The following SPARCL1 variants were observed in gnomAD, a reference collection of about 807,000 sequenced individuals.
SPARCL1 encodes the protein SPARC-like protein 1.
A neutral mutation model predicts 67.1 loss-of-function variants in SPARCL1; 52 were observed. The observed-to-expected ratio is 0.78, with a 90% CI of 0.62 to 0.98. SPARCL1 has a LOEUF of 0.98. Ranked by LOEUF, SPARCL1 falls within the 50% of genes least tolerant of loss-of-function variation. The pLI is 0.00. For missense variants in SPARCL1, 717 were observed against 782.4 expected (o/e 0.92, Z 1.00); for synonymous variants, 226 against 267.8 (o/e 0.84, Z 1.52).
At chr4:87,508,602 G>T (rs1725208735) in intron 1 of SPARCL1, among the ~76,000 whole-genome samples, 1 of 151,908 alleles carries the variant, frequency 6.6e-6, no homozygotes. Context: ...GGTAGGTAAA[G>T]GCAGAGGAAG....
At chr4:87,518,579 G>A (rs1725677393) in intron 1 of SPARCL1, among the ~76,000 whole-genome samples, 1 of 152,174 alleles carries the variant, frequency 6.6e-6, no homozygotes, top group African/African-American at 2.4e-5. Flanking sequence ...TATCCAAAAA[G>A]CTAATGAGTA....
rs1443552016 is a variant in SPARCL1, at chr4:87,506,816, TCTATCTATCTAC to T, written c.-11-7243_-11-7232del. Among the ~76,000 whole-genome samples the T allele has an allele frequency of 8.5e-4, 122 of 143,538 alleles. No homozygotes were observed. In the East Asian group the frequency reaches 9.1e-3, roughly 11 times the overall value. 94.2% of individuals were successfully genotyped at this position (143,538 alleles called of 152,430 possible). On this transcript the variant is annotated intron_variant, in intron 1 of 10. Coordinates refer to ENST00000282470, the MANE Select transcript of SPARCL1 (RefSeq NM_004684.6). ...ATCTATCTATCTATCTATCTATCTA[TCTATCTATCTAC>T]CTACCTACCTACCTACCTATCTCCT...
At chr4:87,512,935 G>A (rs1725431188) in intron 1 of SPARCL1, among the ~76,000 whole-genome samples, 1 of 152,184 alleles carries the variant, frequency 6.6e-6, no homozygotes, top group African/African-American at 2.4e-5. Context: ...GGGGGCTTCA[G>A]CTCATTGTCT....
intron 1 of SPARCL1, among the ~76,000 whole-genome samples, chr4:87,505,724 G>GGT (rs55992030): frequency 0.26 from 36,290 of 140,938 alleles, 5,071 homozygotes; most frequent in South Asian, 0.44. Flanking sequence ...TCAGCTAATT[G>GGT]TTTTTTTTTT....
intron 1 of SPARCL1, among the ~76,000 whole-genome samples, chr4:87,502,941 A>T (rs1724910624): frequency 6.6e-6 from 1 of 152,204 alleles, no homozygotes; most frequent in Admixed American, 6.5e-5. Context: ...TAGAGGAGAA[A>T]TTCATACCTC....
intron 1 of SPARCL1, among the ~76,000 whole-genome samples, chr4:87,523,512 G>C (rs200495841): frequency 6.6e-6 from 1 of 152,180 alleles, no homozygotes; most frequent in East Asian, 1.9e-4. Context: ...TGGAGAACAT[G>C]ACCACGAGTG....
chr4:87,520,183 T>A (rs1171103391), intron 1 of SPARCL1, among the ~76,000 whole-genome samples: 1 of 140,996 alleles, frequency 7.1e-6, no homozygotes, highest in East Asian at 2.1e-4. Flanking sequence ...GAGGTTGCAG[T>A]GAGCCGAGAT....
At chr4:87,485,331 T>G (rs1412265604) in intron 7 of SPARCL1, among the ~76,000 whole-genome samples, 2 of 152,126 alleles carry the variant, frequency 1.3e-5, no homozygotes, top group African/African-American at 2.4e-5. Flanking sequence ...AATCATGTGG[T>G]TTTTGTCATT....
At chr4:87,519,157 G>A (rs111470844) in intron 1 of SPARCL1, among the ~76,000 whole-genome samples, 35,253 of 150,682 alleles carry the variant, frequency 0.23, 4,296 homozygotes, top group South Asian at 0.36. Context: ...TGCAACCTCC[G>A]CCTCCCGGGT....
intron 4 of SPARCL1, among the ~76,000 whole-genome samples, chr4:87,491,945 C>T (rs1252153881): frequency 2.9e-4 from 2 of 6,862 alleles, no homozygotes; most frequent in African/African-American, 1.3e-3. Flanking sequence ...TCTCTACCCA[C>T]CCCCCCCCCC....
intron 1 of SPARCL1, among the ~76,000 whole-genome samples, chr4:87,515,436 G>A (rs528975265): frequency 3.8e-4 from 58 of 152,284 alleles, no homozygotes; most frequent in African/African-American, 1.3e-3. Flanking sequence ...GGCAGAAAAT[G>A]GCTTAATAAC....
chr4:87,504,185 T>TGTGGGGGGGGGGGGGGGGG (rs1553970328), intron 1 of SPARCL1, among the ~76,000 whole-genome samples: 2 of 19,054 alleles, frequency 1.0e-4, no homozygotes, highest in African/African-American at 2.9e-4. Context: ...GTGTGTGTGG[T>TGTGGGGGGGGGGGGGGGGG]GGGGTGGGGG....
At chr4:87,510,740 T>C (rs4693826) in intron 1 of SPARCL1, among the ~76,000 whole-genome samples, 73,989 of 152,206 alleles carry the variant, frequency 0.49, 19,194 homozygotes, top group East Asian at 0.76. Flanking sequence ...CGTGCAGGTA[T>C]CCAAAAAGGC....
intron 2 of SPARCL1, among the ~76,000 whole-genome samples, chr4:87,499,002 G>A (rs537210819): frequency 6.6e-6 from 1 of 152,064 alleles, no homozygotes; most frequent in African/African-American, 2.4e-5. Flanking sequence ...AGCCTCCCGA[G>A]TAGCTGGGAT....
At chr4:87,525,616 A>G (rs761391641) in intron 1 of SPARCL1, among the ~76,000 whole-genome samples, 11 of 152,230 alleles carry the variant, frequency 7.2e-5, no homozygotes, top group Non-Finnish European at 1.3e-4. Context: ...ACAGTAAACT[A>G]GCCACTGTTT....
chr4:87,476,252 C>T (rs1198389593), intron 10 of SPARCL1, among the ~76,000 whole-genome samples: 2 of 152,170 alleles, frequency 1.3e-5, no homozygotes, highest in Non-Finnish European at 2.9e-5. Flanking sequence ...CAGTCTCTCA[C>T]CTGTCTGCTC....
At chr4:87,499,977 T>A (rs941799278) in intron 1 of SPARCL1, among the ~76,000 whole-genome samples, 3 of 152,164 alleles carry the variant, frequency 2.0e-5, no homozygotes, top group African/African-American at 7.2e-5. Flanking sequence ...TCAGTGAAGA[T>A]TTTTAGTCAT....
Position 87,491,731 on chromosome 4 carries a change from G to A in SPARCL1, c.1219-41C>T, listed in dbSNP as rs767878393. The A allele has an allele frequency of 6.0e-5, 80 of 1,328,940 alleles. No individual in the cohort carries two copies. In the East Asian group the frequency reaches 1.6e-3, roughly 27 times the overall value. 82.3% of individuals were successfully genotyped at this position (1,328,940 alleles called of 1,614,324 possible). On this transcript the variant is annotated intron_variant, in intron 4 of 10. Coordinates refer to ENST00000282470, the MANE Select transcript of SPARCL1 (RefSeq NM_004684.6). Reference sequence around the variant, plus strand: ...AGCAAAAGTTAAAATCTACTAAGAGGAGAGCCATTACTTAATTTATATTTC... The same window carrying A: ...AGCAAAAGTTAAAATCTACTAAGAGAAGAGCCATTACTTAATTTATATTTC...
At chr4:87,483,320 A>T (rs1723909347) in intron 7 of SPARCL1, among the ~76,000 whole-genome samples, 1 of 152,102 alleles carries the variant, frequency 6.6e-6, no homozygotes, top group South Asian at 2.1e-4. Context: ...CCCACTTATG[A>T]GTGAGAACAT....
Sources: allele counts gnomAD v4.1 joint callset (sites outside exome capture counted in the v4.1 genomes callset), GRCh38; gene constraint gnomAD v4.1.1; transcripts MANE v1.5; gene names NCBI Gene and HGNC (gene_info 2026-07-23, HGNC 2026-07-21).